KCNG1: variants seen among roughly 807,000 people sequenced by gnomAD.
The protein encoded by KCNG1 is potassium voltage-gated channel modifier subfamily G member 1, also known as voltage-gated potassium channel regulatory subunit KCNG1.
KCNG1 carries 17 observed loss-of-function variants against 32.4 expected under a neutral mutation model. That is an observed-to-expected ratio of 0.52 (90% CI 0.36 to 0.79). The LOEUF (loss-of-function observed/expected upper bound fraction) is 0.79. Ranked by LOEUF, KCNG1 falls within the 30% of genes least tolerant of loss-of-function variation. KCNG1 has a pLI of 0.00. For missense variants in KCNG1, 441 were observed against 735.2 expected (o/e 0.60, Z 4.63); for synonymous variants, 358 against 339.9 (o/e 1.05, Z -0.59).
Position 51,022,954 on chromosome 20 carries a change from G to A in KCNG1, c.-111C>T, listed in dbSNP as rs918502297. ...CCCCGGCTGCCCACGGGTCCGGGGC[G>A]AGGACGCGAGAGGGGCCTGGAAGTC... On this transcript the variant is annotated 5_prime_UTR_variant, in exon 1 of 3. Transcript: ENST00000371571. 6 of 152,224 alleles carry A rather than the reference G, an allele frequency of 3.9e-5. No individual in the cohort carries two copies. Among genetic ancestry groups the A allele is most frequent in the African/African-American group, 1.4e-4 (6 of 41,470 alleles). 9.4% of individuals were successfully genotyped at this position (152,224 alleles called of 1,614,324 possible).
intron 1 of KCNG1, among the ~76,000 whole-genome samples, chr20:51,011,412 A>C (rs938928910): frequency 6.6e-6 from 1 of 151,990 alleles, no homozygotes; most frequent in Non-Finnish European, 1.5e-5. Flanking sequence ...GGGCTGATTT[A>C]GTCTCCCAAA....
intron 1 of KCNG1, among the ~76,000 whole-genome samples, chr20:51,022,445 G>C (rs1386413509): frequency 6.6e-6 from 1 of 152,150 alleles, no homozygotes; most frequent in Non-Finnish European, 1.5e-5. Context: ...GGGGTGAAGG[G>C]GGGCTCCATA....
At chr20:51,019,319 C>G (rs1430516312) in intron 1 of KCNG1, among the ~76,000 whole-genome samples, 1 of 152,134 alleles carries the variant, frequency 6.6e-6, no homozygotes, top group African/African-American at 2.4e-5. Context: ...CAAGGCCAGC[C>G]TGGGCAACAT....
Position 51,010,112 on chromosome 20 carries a change from A to G in KCNG1, c.227T>C (p.Leu76Pro). Residue 76 changes from leucine to proline, a missense_variant, in exon 2 of 3, where the codon CTG (leucine) becomes CCG (proline). Transcript: ENST00000371571. Reference protein sequence around the residue: ...IINVGGIKYSLPWTTLDEFPL... With the variant: ...IINVGGIKYSPPWTTLDEFPL... Reference sequence around the variant, plus strand: ...GAACTCGTCCAGCGTGGTCCAGGGCAGCGAGTACTTGATGCCGCCTACGTT... The same window carrying G: ...GAACTCGTCCAGCGTGGTCCAGGGCGGCGAGTACTTGATGCCGCCTACGTT... The G allele has an allele frequency of 6.2e-7, 1 of 1,613,902 alleles. No homozygotes were observed. Among genetic ancestry groups the G allele is most frequent in the Non-Finnish European group, 8.5e-7 (1 of 1,179,960 alleles).
At chr20:51,019,601 C>G (rs1204790791) in intron 1 of KCNG1, among the ~76,000 whole-genome samples, 4 of 152,140 alleles carry the variant, frequency 2.6e-5, no homozygotes, top group Admixed American at 2.0e-4. Context: ...AACACAGCTT[C>G]CAAGGCAACT....
chr20:51,010,822 G>A (rs1337806468), intron 1 of KCNG1, among the ~76,000 whole-genome samples: 2 of 151,976 alleles, frequency 1.3e-5, no homozygotes, highest in African/African-American at 4.8e-5. Context: ...TTGAACATGG[G>A]AGGCGAAGGT....
intron 1 of KCNG1, among the ~76,000 whole-genome samples, chr20:51,011,883 G>A (rs893689572): frequency 1.6e-4 from 24 of 152,304 alleles, no homozygotes; most frequent in Non-Finnish European, 1.6e-4. Context: ...TGCAATCTCC[G>A]CGCCGCGGGT....
chr20:51,011,053 C>T (rs773633876), intron 1 of KCNG1, among the ~76,000 whole-genome samples: 16 of 152,164 alleles, frequency 1.1e-4, no homozygotes, highest in East Asian at 3.9e-4. Context: ...GACTTGCAGC[C>T]GGCAGAACTG....
At chr20:51,013,387 C>T (rs1161846648) in intron 1 of KCNG1, among the ~76,000 whole-genome samples, 1 of 152,120 alleles carries the variant, frequency 6.6e-6, no homozygotes, top group Non-Finnish European at 1.5e-5. Flanking sequence ...AAAAATCTAT[C>T]AATTCCAAAC....
In KCNG1 at chr20:51,004,776, A is replaced by G. The variant is rs1987761920; in HGVS notation, c.805T>C (p.Phe269Leu). Reference sequence around the variant, plus strand: ...CCCACGCACACCGACTCCACGATGAAGACGTTGTGGCACATCTGGGAACAG... The same window carrying G: ...CCCACGCACACCGACTCCACGATGAGGACGTTGTGGCACATCTGGGAACAG... ...GHCSQMCHNV[F>L]IVESVCVGWF... Residue 269 changes from phenylalanine to leucine, a missense_variant, in exon 3 of 3, where the codon TTC becomes CTC. Physicochemically the swap from Phe to Leu is conservative, Grantham distance 22 (BLOSUM62 0). Coordinates refer to ENST00000371571, the MANE Select transcript of KCNG1 (RefSeq NM_002237.4). The surrounding 1 kb of genome is among the most constrained non-coding windows in gnomAD (Gnocchi z 4.3). The G allele has an allele frequency of 6.3e-7, 1 of 1,582,616 alleles. No individual in the cohort carries two copies. The highest frequency in any genetic ancestry group is 8.6e-7 in the Non-Finnish European group (1 of 1,161,596).
intron 2 of KCNG1, among the ~76,000 whole-genome samples, chr20:51,008,731 C>A (rs1377344009): frequency 1.3e-5 from 2 of 152,082 alleles, no homozygotes; most frequent in African/African-American, 4.8e-5. Flanking sequence ...TTTTGGGAAA[C>A]CTTGTGTGGG....
chr20:51,012,759 T>A (rs888467665), intron 1 of KCNG1, among the ~76,000 whole-genome samples: 8 of 152,196 alleles, frequency 5.3e-5, no homozygotes, highest in Non-Finnish European at 1.5e-5. Context: ...AATCAGGATA[T>A]CTGGCAACAC....
chr20:51,018,667 G>C (rs1323542199), intron 1 of KCNG1, among the ~76,000 whole-genome samples: 1 of 152,190 alleles, frequency 6.6e-6, no homozygotes, highest in Non-Finnish European at 1.5e-5. Context: ...AGCCTTCATT[G>C]CCTGAGTCTC....
At chr20:51,018,719 A>G (rs1216209434) in intron 1 of KCNG1, among the ~76,000 whole-genome samples, 2 of 152,168 alleles carry the variant, frequency 1.3e-5, no homozygotes, top group African/African-American at 4.8e-5. Context: ...TAATACCCCC[A>G]TTTTACAAAT....
Position 51,004,389 on chromosome 20 carries a change from T to C in KCNG1, c.1192A>G (p.Ile398Val), listed in dbSNP as rs1400409645. ...IALFAPLLYV[I>V]ENEMADSPEF... ...GGGCTGTCGGCCATCTCGTTCTCGA[T>C]GACGTAGAGCAGGGGCGCGAAGAGG... The change falls in exon 3 of 3, where the codon ATC (isoleucine) becomes GTC (valine). Residue 398 changes from isoleucine to valine, a missense_variant. Physicochemically the swap from Ile to Val is conservative, Grantham distance 29. Transcript: ENST00000371571. The surrounding 1 kb of genome is among the most constrained non-coding windows in gnomAD (Gnocchi z 4.3). 2 of 1,613,646 alleles carry C rather than the reference T, an allele frequency of 1.2e-6. No homozygotes were observed. The highest frequency in any genetic ancestry group is 2.2e-5 in the South Asian group (2 of 91,072).
In KCNG1 at chr20:51,004,681, C is replaced by G. The variant is rs930609443; in HGVS notation, c.900G>C (p.Pro300=). The part of the protein sequence containing the change: ...APSKFAFLRS[P]LTLIDLVAIL... ...TGGCCACCAGGTCGATCAGCGTCAG[C>G]GGGCTCCGCAGGAAGGCGAACTTGC... The change falls in exon 3 of 3, where the codon CCG becomes CCC. Residue 300 remains proline, a synonymous_variant. Coordinates refer to ENST00000371571, the MANE Select transcript of KCNG1 (RefSeq NM_002237.4). The surrounding 1 kb of genome is among the most constrained non-coding windows in gnomAD (Gnocchi z 4.3). 6 of 1,601,788 alleles carry G rather than the reference C, an allele frequency of 3.7e-6. No homozygotes were observed. Among genetic ancestry groups the G allele is most frequent in the Non-Finnish European group, 5.1e-6 (6 of 1,174,198 alleles).
Position 51,003,728 on chromosome 20 carries a change from G to A in KCNG1, c.*311C>T, listed in dbSNP as rs1331607937. On this transcript the variant is annotated 3_prime_UTR_variant, in exon 3 of 3. Coordinates refer to ENST00000371571, the MANE Select transcript of KCNG1 (RefSeq NM_002237.4). ...CATAAAGCAAGTTTTTGCTGGGCAT[G>A]TTATTTGCATGGTGAAAAGAACAAG... 7.6e-5 allele frequency: 14 copies of A among 184,776 alleles called. No individual in the cohort carries two copies. Among genetic ancestry groups the A allele is most frequent in the Non-Finnish European group, 2.8e-5 (3 of 107,070 alleles). 11.4% of individuals were successfully genotyped at this position (184,776 alleles called of 1,614,324 possible).
rs1988001430 is a variant in KCNG1 at position 51,009,940 on chromosome 20, C to G, written c.399G>C (p.Ala133=). The G allele has an allele frequency of 6.2e-7, 1 of 1,613,858 alleles. No homozygotes were observed. The highest frequency in any genetic ancestry group is 1.1e-5 in the South Asian group (1 of 91,086). The change falls in exon 2 of 3, where the codon GCG becomes GCC. Residue 133 remains alanine (A), a synonymous_variant. Coordinates refer to ENST00000371571, the MANE Select transcript of KCNG1 (RefSeq NM_002237.4). ...TCTCGCGCAGCAGCCGCAGCTTGCC[C>G]GCGCGCAGGAAGGTCAGGATAGTGC... ...AFGTILTFLR[A]GKLRLLREMC...
At position 51,010,007 on chromosome 20, in the gene KCNG1, G is replaced by T; in HGVS notation, c.332C>A (p.Thr111Asn). ...GCGGTCGAAGAAGAACTCGTTGCAG[G>T]TGACGTCGTAGTCATCGCACACGTT... ...ILNVCDDYDV[T>N]CNEFFFDRNP... Residue 111 changes from threonine (T) to asparagine (N), a missense_variant, in exon 2 of 3, where the codon ACC (threonine) becomes AAC (asparagine). Thr to Asn is a moderately conservative substitution (Grantham distance 65). Transcript: ENST00000371571. 6.2e-7 allele frequency: 1 copy of T among 1,614,122 alleles called. No homozygotes were observed. Among genetic ancestry groups the T allele is most frequent in the Non-Finnish European group, 8.5e-7 (1 of 1,180,000 alleles).
Sources: allele counts gnomAD v4.1 joint callset (sites outside exome capture counted in the v4.1 genomes callset), GRCh38; gene constraint gnomAD v4.1.1; non-coding constraint Gnocchi (gnomAD v3.1); transcripts MANE v1.5; gene names NCBI Gene and HGNC (gene_info 2026-07-23, HGNC 2026-07-21).